Variants in EIF4G3 observed in about 807,000 individuals in gnomAD.
EIF4G3 encodes eIF-4-gamma 3.
In EIF4G3, 34 loss-of-function variants were observed where a neutral mutation model predicts 186.4. The observed-to-expected ratio is 0.18, with a 90% CI of 0.14 to 0.24. The LOEUF (loss-of-function observed/expected upper bound fraction) is 0.24. Among genes scored for constraint, EIF4G3 ranks in the 10% least tolerant of loss-of-function variants. The pLI is 1.00. For missense variants in EIF4G3, 1,536 were observed against 1,948.5 expected (o/e 0.79, Z 3.99); for synonymous variants, 673 against 679.5 (o/e 0.99, Z 0.15).
At chr1:21,009,640 T>C (rs1431783484) in intron 4 of EIF4G3, among the ~76,000 whole-genome samples, 1 of 148,706 alleles carries the variant, frequency 6.7e-6, no homozygotes, top group Non-Finnish European at 1.5e-5. Flanking sequence ...GTCTTCTTCT[T>C]CTTTTTTTGG....
At chr1:21,075,270 C>T (rs1036438314) in intron 3 of EIF4G3, among the ~76,000 whole-genome samples, 3 of 151,846 alleles carry the variant, frequency 2.0e-5, no homozygotes, top group Admixed American at 6.6e-5. Context: ...GGAAATTCCC[C>T]GTAAAGACAC....
Position 20,813,663 on chromosome 1 carries a change from T to A in EIF4G3, c.4516-424A>T, listed in dbSNP as rs371763020. On this transcript the variant is annotated intron_variant, in intron 34 of 36. Coordinates refer to ENST00000602326, the MANE Select transcript of EIF4G3 (RefSeq NM_001391906.1). ...GGATGGATCACCTGAGGTCAGGAGT[T>A]CGAGACCAATCTGGCCAACATGGTG... Among the ~76,000 whole-genome samples, 328 of 151,846 alleles carry A rather than the reference T, an allele frequency of 2.2e-3. 3 individuals are homozygous for A. Among genetic ancestry groups the A allele is most frequent in the East Asian group, 2.2e-3 (11 of 5,068 alleles).
chr1:20,987,407 A>G (rs2079824183), intron 7 of EIF4G3, among the ~76,000 whole-genome samples: 1 of 152,242 alleles, frequency 6.6e-6, no homozygotes, highest in Admixed American at 6.5e-5. Flanking sequence ...TGCATTATAG[A>G]TATTGCATTC....
chr1:21,080,763 C>T (rs1288568369), intron 3 of EIF4G3, among the ~76,000 whole-genome samples: 1 of 152,192 alleles, frequency 6.6e-6, no homozygotes, highest in Non-Finnish European at 1.5e-5. Context: ...CCACCTCAGC[C>T]TCCCAAAGTG....
chr1:20,917,983 T>C (rs1294189126), intron 14 of EIF4G3, among the ~76,000 whole-genome samples: 1 of 152,234 alleles, frequency 6.6e-6, no homozygotes, highest in Admixed American at 6.5e-5. Context: ...TACATCTAAG[T>C]AGTGGGATTC....
At chr1:21,020,688 C>G (rs1032765788) in intron 4 of EIF4G3, among the ~76,000 whole-genome samples, 10 of 152,068 alleles carry the variant, frequency 6.6e-5, no homozygotes, top group African/African-American at 2.4e-4. Context: ...TACAGAATAT[C>G]TAATAACTAT....
At chr1:20,999,822 C>T in intron 6 of EIF4G3, 2 of 388,956 alleles carry the variant, frequency 5.1e-6, no homozygotes, top group South Asian at 1.9e-5. Flanking sequence ...CATATTAAAA[C>T]TAGAAATTTT....
chr1:20,816,087 CGGAA>C (rs1445390576), intron 34 of EIF4G3, among the ~76,000 whole-genome samples: 3 of 127,700 alleles, frequency 2.3e-5, no homozygotes, highest in Non-Finnish European at 3.4e-5. Context: ...CCGCCCCGTC[CGGAA>C]GGGAGGTGGG....
At chr1:20,861,062 T>A (rs924022167) in intron 23 of EIF4G3, among the ~76,000 whole-genome samples, 3 of 152,202 alleles carry the variant, frequency 2.0e-5, no homozygotes, top group African/African-American at 7.2e-5. Context: ...TCCCCTGTAT[T>A]AAGGACAAAA....
intron 2 of EIF4G3, among the ~76,000 whole-genome samples, chr1:21,109,555 A>G (rs1375246376): frequency 1.3e-5 from 2 of 152,222 alleles, no homozygotes; most frequent in African/African-American, 2.4e-5. Context: ...ATAAGTAAAT[A>G]AGACAAAGAC....
intron 28 of EIF4G3, 32 bp from the exon 29 acceptor site, chr1:20,849,562 A>AG (rs770564964): frequency 1.9e-6 from 2 of 1,049,246 alleles, no homozygotes; most frequent in African/African-American, 3.3e-5. Context: ...AAAAGTAAAA[A>AG]TAATAAAAAT....
At chr1:20,924,278 TTGAAC>T (rs1043360679) in intron 14 of EIF4G3, among the ~76,000 whole-genome samples, 6 of 152,210 alleles carry the variant, frequency 3.9e-5, no homozygotes, top group Admixed American at 2.6e-4. Flanking sequence ...GATATGTTTG[TTGAAC>T]TGAATACTAA....
chr1:21,155,200 T>C (rs779766334), intron 2 of EIF4G3, among the ~76,000 whole-genome samples: 4 of 141,072 alleles, frequency 2.8e-5, no homozygotes, highest in Non-Finnish European at 6.0e-5. Context: ...GAGGCGGAGG[T>C]TGCAGTGAGC....
intron 32 of EIF4G3, among the ~76,000 whole-genome samples, chr1:20,826,481 CTTTTTTT>C (rs71014120): frequency 5.1e-4 from 26 of 50,656 alleles, no homozygotes; most frequent in South Asian, 1.5e-3. Context: ...GTGAGTCTTT[CTTTTTTT>C]TTTTTTTTTT....
At chr1:21,136,226 A>T (rs998444066) in intron 2 of EIF4G3, among the ~76,000 whole-genome samples, 4 of 137,126 alleles carry the variant, frequency 2.9e-5, no homozygotes, top group Non-Finnish European at 4.8e-5. Flanking sequence ...CAAAGGGAAA[A>T]AAAAAGAACA....
chr1:20,932,198 C>G (rs2154561273), intron 14 of EIF4G3, among the ~76,000 whole-genome samples: 1 of 152,244 alleles, frequency 6.6e-6, no homozygotes, highest in Middle Eastern at 3.4e-3. Flanking sequence ...TCTGCAGCTT[C>G]CTCACCTCAC....
At chr1:20,872,760 C>T (rs2079583917) in intron 20 of EIF4G3, among the ~76,000 whole-genome samples, 1 of 137,984 alleles carries the variant, frequency 7.2e-6, no homozygotes, top group Admixed American at 7.9e-5. Context: ...ACTCTGTCGG[C>T]CAGGCTGGAG....
chr1:20,951,234 T>G (rs1179324768), intron 12 of EIF4G3, among the ~76,000 whole-genome samples: 1 of 152,116 alleles, frequency 6.6e-6, no homozygotes, highest in Non-Finnish European at 1.5e-5. Context: ...CAATTTAGGA[T>G]GATAGATATC....
chr1:20,892,754 G>C (rs1419579694), intron 18 of EIF4G3: 4 of 1,435,282 alleles, frequency 2.8e-6, no homozygotes, highest in Middle Eastern at 1.7e-4. Context: ...ACAAAGACAT[G>C]ATCATTAGCT....
Sources: allele counts gnomAD v4.1 joint callset (sites outside exome capture counted in the v4.1 genomes callset), GRCh38; gene constraint gnomAD v4.1.1; transcripts MANE v1.5; gene names NCBI Gene and HGNC (gene_info 2026-07-23, HGNC 2026-07-21).